SLC13A3: variants seen among roughly 807,000 people sequenced by gnomAD.
The protein encoded by SLC13A3 is Na(+)/dicarboxylate cotransporter 3.
In SLC13A3, 40 loss-of-function variants were observed where a neutral mutation model predicts 59.0. The ratio of observed to expected loss-of-function variants is 0.68; its 90% confidence interval spans 0.53 to 0.88. The LOEUF (loss-of-function observed/expected upper bound fraction) is 0.88, where lower values mean the gene tolerates loss of function less well. SLC13A3 is among the 40% of genes least tolerant of loss of function. The probability of loss-of-function intolerance (pLI) is 0.00; values close to 1 mark genes in which losing one functional copy is unlikely to be tolerated. For missense variants in SLC13A3, 699 were observed against 783.2 expected (o/e 0.89, Z 1.28); for synonymous variants, 317 against 330.3 (o/e 0.96, Z 0.44).
At chr20:46,682,889 G>T (rs942643812) in intron 1 of SLC13A3, among the ~76,000 whole-genome samples, 1 of 152,102 alleles carries the variant, frequency 6.6e-6, no homozygotes, top group Non-Finnish European at 1.5e-5. Flanking sequence ...GGACGTCAAG[G>T]GATCTGAAAG....
At chr20:46,584,244 A>C in intron 8 of SLC13A3, 2 of 985,416 alleles carry the variant, frequency 2.0e-6, no homozygotes, top group Non-Finnish European at 2.4e-6. Flanking sequence ...GGAGAATCAG[A>C]GGGTCAAAGA....
intron 1 of SLC13A3, among the ~76,000 whole-genome samples, chr20:46,642,272 G>A (rs368821280): frequency 1.4e-4 from 21 of 152,352 alleles, no homozygotes; most frequent in African/African-American, 4.6e-4. Flanking sequence ...GGCAGGAGCT[G>A]GATGACACAG....
intron 10 of SLC13A3, among the ~76,000 whole-genome samples, chr20:46,573,172 A>T (rs1001951395): frequency 7.2e-5 from 11 of 152,214 alleles, no homozygotes; most frequent in African/African-American, 1.2e-4. Flanking sequence ...TATTTTATTT[A>T]AAAATGAGCA....
intron 1 of SLC13A3, among the ~76,000 whole-genome samples, chr20:46,666,101 C>A (rs927523977): frequency 1.3e-5 from 2 of 152,168 alleles, no homozygotes; most frequent in African/African-American, 4.8e-5. Flanking sequence ...GAGAGAGGAA[C>A]TGGTACTGGG....
At chr20:46,646,249 G>C (rs1346207708) in intron 1 of SLC13A3, among the ~76,000 whole-genome samples, 1 of 152,194 alleles carries the variant, frequency 6.6e-6, no homozygotes, top group Non-Finnish European at 1.5e-5. Flanking sequence ...AAGAGAGAAG[G>C]AGGAGGAGTG....
chr20:46,563,527 G>A lies in SLC13A3; in HGVS notation c.1519C>T (p.Leu507=). 6.2e-7 allele frequency: 1 copy of A among 1,613,930 alleles called. No homozygotes were observed. Among genetic ancestry groups the A allele is most frequent in the Non-Finnish European group, 8.5e-7 (1 of 1,179,972 alleles). The change falls in exon 12 of 13, where the codon CTG becomes TTG. Residue 507 remains leucine (L), a synonymous_variant. Coordinates refer to ENST00000279027, the MANE Select transcript of SLC13A3 (RefSeq NM_022829.6). ...ACTGTGCCCGGAATCATCAGATACA[G>A]GGGGTGCACTCTCAGGCGGATGGCC... ...ELAIRLRVHP[L]YLMIPGTVGC... is the part of the protein sequence containing the mutation.
intron 1 of SLC13A3, among the ~76,000 whole-genome samples, chr20:46,621,617 A>G (rs943371975): frequency 5.3e-5 from 8 of 152,220 alleles, no homozygotes; most frequent in Admixed American, 2.6e-4. Flanking sequence ...TTGTGGCTCC[A>G]AATCCAGAAA....
At chr20:46,650,408 G>A (rs563910821) in intron 1 of SLC13A3, among the ~76,000 whole-genome samples, 17 of 152,152 alleles carry the variant, frequency 1.1e-4, no homozygotes, top group African/African-American at 2.9e-4. Flanking sequence ...TCTGAGACGC[G>A]TTGAAATGAT....
intron 1 of SLC13A3, among the ~76,000 whole-genome samples, chr20:46,630,149 GC>G (rs1290526776): frequency 6.6e-6 from 1 of 152,222 alleles, no homozygotes; most frequent in African/African-American, 2.4e-5. Context: ...CTTACTCAAT[GC>G]GAAGACCCAA....
At chr20:46,582,154 A>G (rs1413120939) in intron 9 of SLC13A3, among the ~76,000 whole-genome samples, 2 of 151,882 alleles carry the variant, frequency 1.3e-5, no homozygotes, top group African/African-American at 4.8e-5. Flanking sequence ...ACAGGGTTTC[A>G]CTCTGTCACC....
chr20:46,598,799 C>T lies in SLC13A3; in HGVS notation c.608+1172G>A, dbSNP rs183607784. 3.2e-3 allele frequency among the ~76,000 whole-genome samples: 465 copies of T among 147,252 alleles called. 3 individuals are homozygous for T. The highest frequency in any genetic ancestry group is 0.011 in the African/African-American group (440 of 41,132). The stretch of plus-strand genomic sequence containing the variant: ...GCTCTGTCCTCCACCATCACTCTCT[C>T]CCCCCCGAAGCCAACTCTCAGACCC... On this transcript the variant is annotated intron_variant, in intron 4 of 12. Transcript: ENST00000279027.
intron 10 of SLC13A3, among the ~76,000 whole-genome samples, chr20:46,567,443 G>T (rs1263975540): frequency 2.6e-5 from 4 of 151,976 alleles, no homozygotes; most frequent in Admixed American, 1.3e-4. Context: ...TTTGTGACTT[G>T]CCCAGGATCC....
chr20:46,593,891 A>G (rs929013721), intron 5 of SLC13A3, among the ~76,000 whole-genome samples: 2 of 152,340 alleles, frequency 1.3e-5, no homozygotes, highest in Non-Finnish European at 2.9e-5. Context: ...AAATATCGAC[A>G]GTGGGATTGG....
intron 8 of SLC13A3, among the ~76,000 whole-genome samples, chr20:46,587,495 A>G (rs1228480573): frequency 6.6e-6 from 1 of 152,058 alleles, no homozygotes; most frequent in Non-Finnish European, 1.5e-5. Context: ...TTTCTCAAAC[A>G]TGCTACGTTT....
At chr20:46,629,214 T>C (rs2062711263) in intron 1 of SLC13A3, among the ~76,000 whole-genome samples, 2 of 152,178 alleles carry the variant, frequency 1.3e-5, no homozygotes, top group Admixed American at 1.3e-4. Context: ...ATTATTGGGT[T>C]ACATGTTCTT....
At chr20:46,599,665 G>A (rs1414046009) in intron 4 of SLC13A3, among the ~76,000 whole-genome samples, 1 of 152,214 alleles carries the variant, frequency 6.6e-6, no homozygotes. Context: ...TGACTGTCAT[G>A]CAGTTTGTGC....
intron 12 of SLC13A3, among the ~76,000 whole-genome samples, chr20:46,560,463 G>C (rs1601112253): frequency 6.6e-6 from 1 of 152,140 alleles, no homozygotes; most frequent in Admixed American, 6.5e-5. Flanking sequence ...TTGTCACAGG[G>C]TTATGCTGTT....
chr20:46,587,286 T>C (rs1267703024), intron 8 of SLC13A3, among the ~76,000 whole-genome samples: 1 of 152,218 alleles, frequency 6.6e-6, no homozygotes, highest in Non-Finnish European at 1.5e-5. Flanking sequence ...TATAATATCA[T>C]TTTACAGATT....
intron 1 of SLC13A3, among the ~76,000 whole-genome samples, chr20:46,617,341 A>C (rs1386425016): frequency 6.6e-6 from 1 of 152,174 alleles, no homozygotes; most frequent in Non-Finnish European, 1.5e-5. Flanking sequence ...ATGCCAACCA[A>C]TAAACAGTTC....
Sources: gnomAD v4.1 joint callset for allele counts (sites outside exome capture counted in the v4.1 genomes callset) on GRCh38, gnomAD v4.1.1 for gene constraint, MANE v1.5 for transcripts, NCBI Gene and HGNC (gene_info 2026-07-23, HGNC 2026-07-21) for gene names.